The following DSCAM variants were observed in gnomAD, a reference collection of about 807,000 sequenced individuals.
DSCAM encodes cell adhesion molecule DSCAM.
In DSCAM, 47 loss-of-function variants were observed where a neutral mutation model predicts 217.7. The ratio of observed to expected loss-of-function variants is 0.22; its 90% confidence interval spans 0.17 to 0.28. The LOEUF (loss-of-function observed/expected upper bound fraction) is 0.28. DSCAM is among the 10% of genes least tolerant of loss of function. The probability of loss-of-function intolerance (pLI) is 1.00; values close to 1 mark genes in which losing one functional copy is unlikely to be tolerated. For missense variants in DSCAM, 2,080 were observed against 2,618.3 expected (o/e 0.79, Z 4.49); for synonymous variants, 1,056 against 1,015.3 (o/e 1.04, Z -0.76).
chr21:40,465,058 T>C (rs141029581), intron 3 of DSCAM, among the ~76,000 whole-genome samples: 118 of 152,228 alleles, frequency 7.8e-4, no homozygotes, highest in African/African-American at 2.6e-3. Context: ...CTTTGAACCA[T>C]GTAAATAAAA....
chr21:40,818,264 C>T (rs1038585228), intron 1 of DSCAM, among the ~76,000 whole-genome samples: 1 of 149,548 alleles, frequency 6.7e-6, no homozygotes, highest in Non-Finnish European at 1.5e-5. Flanking sequence ...AAGACAAAGT[C>T]GGCCGGGTGC....
chr21:40,641,293 C>G lies in DSCAM; in HGVS notation c.508+51517G>C, dbSNP rs369246308. On this transcript the variant is annotated intron_variant, in intron 3 of 32. Transcript: ENST00000400454. ...GTGGTGGACGTTTAAATCTACCTCA[C>G]GGAAGCAGCTAGATGAGTGTTATAC... 1.0e-3 allele frequency among the ~76,000 whole-genome samples: 156 copies of G among 152,088 alleles called. 3 individuals carry two copies. Among genetic ancestry groups the G allele is most frequent in the African/African-American group, 3.5e-3 (145 of 41,472 alleles).
chr21:40,178,950 A>G lies in DSCAM; in HGVS notation c.2924T>C (p.Leu975Pro). 1 of 1,613,856 alleles carries G rather than the reference A, an allele frequency of 6.2e-7. No individual in the cohort carries two copies. The change falls in exon 15 of 33, where the codon CTC becomes CCC. Residue 975 changes from leucine (L) to proline (P), a missense_variant. Leu to Pro is a moderately conservative substitution (Grantham distance 98). Transcript: ENST00000400454. ...ACCTGCCTCGTCCGCCGTGATGGTG[A>G]GCTCGTTGCTGGGCTCGCTCTTGCC... ...RIGKSEPSNELTITADEAAPD... is the reference protein window; with the variant it reads ...RIGKSEPSNEPTITADEAAPD...
chr21:40,837,668 C>T (rs373968334), intron 1 of DSCAM, among the ~76,000 whole-genome samples: 4 of 152,336 alleles, frequency 2.6e-5, no homozygotes, highest in African/African-American at 4.8e-5. Flanking sequence ...AGACAGCATT[C>T]CACATTTCTT....
intron 11 of DSCAM, among the ~76,000 whole-genome samples, chr21:40,193,354 AC>A (rs1427484857): frequency 7.8e-6 from 1 of 128,128 alleles, no homozygotes; most frequent in African/African-American, 2.8e-5. Context: ...TTTTTCTCAT[AC>A]GGGAAAGAGG....
intron 8 of DSCAM, among the ~76,000 whole-genome samples, chr21:40,337,494 T>G (rs569528748): frequency 6.6e-6 from 1 of 151,944 alleles, no homozygotes; most frequent in Non-Finnish European, 1.5e-5. Flanking sequence ...CACCTTATTG[T>G]TTTTTTCTGG....
At chr21:40,413,658 C>A (rs2075343830) in intron 3 of DSCAM, among the ~76,000 whole-genome samples, 1 of 152,136 alleles carries the variant, frequency 6.6e-6, no homozygotes. Flanking sequence ...ACTGAAACAA[C>A]TTTGAATAAG....
chr21:40,139,235 G>A (rs952621742), intron 18 of DSCAM, among the ~76,000 whole-genome samples: 1 of 151,830 alleles, frequency 6.6e-6, no homozygotes, highest in South Asian at 2.1e-4. Context: ...TTTATTTTGC[G>A]AAGGTTGAGG....
chr21:40,536,463 G>A (rs6517598), intron 3 of DSCAM, among the ~76,000 whole-genome samples: 148,896 of 149,970 alleles, frequency 0.99, 73,916 homozygotes, highest in African/African-American at 1. Flanking sequence ...GTGCAGTGGC[G>A]CCATCTCGGC....
At position 40,483,486 on chromosome 21, in the gene DSCAM, T is replaced by A. The variant is rs149854932; in HGVS notation, c.509-114241A>T. Among the ~76,000 whole-genome samples, 1,201 of 152,328 alleles carry A rather than the reference T, an allele frequency of 7.9e-3. 20 individuals are homozygous for A. The highest frequency in any genetic ancestry group is 0.027 in the African/African-American group (1,112 of 41,568). ...ACAGGAAATTACCATGGGAATTATA[T>A]CTTTAATAGCTATTTCTCCTAACAA... On this transcript the variant is annotated intron_variant, in intron 3 of 32. Coordinates refer to ENST00000400454, the MANE Select transcript of DSCAM (RefSeq NM_001389.5).
At chr21:40,476,706 G>A (rs1399711471) in intron 3 of DSCAM, among the ~76,000 whole-genome samples, 1 of 152,098 alleles carries the variant, frequency 6.6e-6, no homozygotes, top group African/African-American at 2.4e-5. Flanking sequence ...TAGGTGGTGG[G>A]CAGGGCAGGT....
At chr21:40,470,380 T>A (rs1484946482) in intron 3 of DSCAM, among the ~76,000 whole-genome samples, 1 of 152,172 alleles carries the variant, frequency 6.6e-6, no homozygotes, top group Admixed American at 6.5e-5. Flanking sequence ...TACAATAACG[T>A]CCTGCCAAAG....
At chr21:40,524,888 T>A (rs2076388053) in intron 3 of DSCAM, among the ~76,000 whole-genome samples, 1 of 151,544 alleles carries the variant, frequency 6.6e-6, no homozygotes, top group South Asian at 2.1e-4. Context: ...CATGCACCTA[T>A]AATCCCAGCT....
At chr21:40,197,440 A>C (rs2091024509) in intron 11 of DSCAM, among the ~76,000 whole-genome samples, 3 of 152,188 alleles carry the variant, frequency 2.0e-5, no homozygotes, top group African/African-American at 7.2e-5. Context: ...CTAAGTAAGG[A>C]AACAGAGAAC....
At chr21:40,766,578 C>T (rs1156696797) in intron 1 of DSCAM, among the ~76,000 whole-genome samples, 1 of 146,586 alleles carries the variant, frequency 6.8e-6, no homozygotes, top group African/African-American at 2.5e-5. Flanking sequence ...GGAGAAAACA[C>T]AGCCTGGAAA....
At chr21:40,021,063 G>T (rs920523846) in intron 32 of DSCAM, among the ~76,000 whole-genome samples, 10 of 151,632 alleles carry the variant, frequency 6.6e-5, no homozygotes, top group Non-Finnish European at 1.2e-4. Flanking sequence ...AGGCTGGGGG[G>T]GTGTGAGGGA....
intron 3 of DSCAM, among the ~76,000 whole-genome samples, chr21:40,683,752 G>C (rs2090442855): frequency 6.6e-6 from 1 of 152,160 alleles, no homozygotes. Flanking sequence ...GTCATCTGAA[G>C]AAAGCTGTTC....
intron 30 of DSCAM, among the ~76,000 whole-genome samples, chr21:40,049,917 C>T (rs2088901373): frequency 6.6e-6 from 1 of 152,248 alleles, no homozygotes; most frequent in Admixed American, 6.5e-5. Context: ...GCTGCTTCTC[C>T]TGTCTTAACT....
rs141036894 is a variant in DSCAM, at chr21:40,743,286, T to C, written c.44-34515A>G. The stretch of plus-strand genomic sequence containing the variant: ...AATTCACATGGTAAAATACCACTAA[T>C]AGACTCCCCATTCAATACCATCTTG... On this transcript the variant is annotated intron_variant, in intron 1 of 32. Coordinates refer to ENST00000400454, the MANE Select transcript of DSCAM (RefSeq NM_001389.5). Among the ~76,000 whole-genome samples the C allele has an allele frequency of 3.0e-3, 464 of 152,306 alleles. 1 individual carries two copies. The highest frequency in any genetic ancestry group is 0.011 in the African/African-American group (440 of 41,576).
Sources: allele counts gnomAD v4.1 joint callset (sites outside exome capture counted in the v4.1 genomes callset), GRCh38; gene constraint gnomAD v4.1.1; transcripts MANE v1.5; gene names NCBI Gene and HGNC (gene_info 2026-07-23, HGNC 2026-07-21).